The following MAPKAPK5 variants were observed in gnomAD, a reference collection of about 807,000 sequenced individuals.
The protein encoded by MAPKAPK5 is MAPK activated protein kinase 5.
In MAPKAPK5, 30 loss-of-function variants were observed where a neutral mutation model predicts 65.1. That is an observed-to-expected ratio of 0.46 (90% CI 0.34 to 0.63). MAPKAPK5 has a LOEUF of 0.63. MAPKAPK5 is among the 20% of genes least tolerant of loss of function. The pLI is 0.01. For missense variants in MAPKAPK5, 433 were observed against 581.4 expected, an observed-to-expected ratio of 0.74 and a Z score of 2.63; for synonymous variants, 179 against 204.6, an observed-to-expected ratio of 0.87 and a Z score of 1.07.
At chr12:111,881,987 T>C (rs1018958992) in intron 8 of MAPKAPK5, among the ~76,000 whole-genome samples, 7 of 152,198 alleles carry the variant, frequency 4.6e-5, no homozygotes, top group Non-Finnish European at 8.8e-5. Flanking sequence ...TTCTGGAAAG[T>C]GAGGGATTGA....
chr12:111,884,269 G>T (rs1043008352), intron 9 of MAPKAPK5, among the ~76,000 whole-genome samples: 4 of 152,152 alleles, frequency 2.6e-5, no homozygotes, highest in African/African-American at 9.7e-5. Context: ...GGAGTGCAGT[G>T]GTACAATCTT....
Position 111,893,529 on chromosome 12 carries a change from T to TCA in MAPKAPK5, c.*471_*472dup, listed in dbSNP as rs1370398817. ...GTCATTGCAGACTGCTTGCTGGAAC[T>TCA]CACAGGAGGCACACTTGAGCTTGGG... is the stretch of plus-strand genomic sequence containing the variant. On this transcript the variant is annotated 3_prime_UTR_variant, in exon 14 of 14. Transcript: ENST00000550735. 1.3e-5 allele frequency: 2 copies of TCA among 152,292 alleles called. No homozygotes were observed. Among genetic ancestry groups the TCA allele is most frequent in the African/African-American group, 4.8e-5 (2 of 41,404 alleles). The allele number at this position is 152,292 out of a possible 1,614,324, so 9.4% of individuals were successfully genotyped here. A position where few individuals can be genotyped will look rare whatever the true frequency, so the allele number is the denominator to read the frequency against.
At chr12:111,848,385 G>C (rs2136065483) in intron 1 of MAPKAPK5, among the ~76,000 whole-genome samples, 1 of 151,072 alleles carries the variant, frequency 6.6e-6, no homozygotes, top group Non-Finnish European at 1.5e-5. Context: ...CTTTTCTGGT[G>C]AAGGGTCTGT....
intron 10 of MAPKAPK5, among the ~76,000 whole-genome samples, chr12:111,887,197 T>G (rs2136149973): frequency 6.6e-6 from 1 of 152,300 alleles, no homozygotes; most frequent in Non-Finnish European, 1.5e-5. Flanking sequence ...AGACGTCTCT[T>G]TCTAAGTTTA....
intron 7 of MAPKAPK5, among the ~76,000 whole-genome samples, chr12:111,874,963 G>A (rs1055332642): frequency 6.6e-6 from 1 of 151,700 alleles, no homozygotes; most frequent in Non-Finnish European, 1.5e-5. Context: ...ATTTTTAGTA[G>A]AGACGGGGTT....
chr12:111,892,719 T>A (rs1392245933), intron 13 of MAPKAPK5, among the ~76,000 whole-genome samples: 1 of 152,192 alleles, frequency 6.6e-6, no homozygotes, highest in South Asian at 2.1e-4. Context: ...ATTACAAAGA[T>A]CTTGTCTCTC....
intron 7 of MAPKAPK5, among the ~76,000 whole-genome samples, chr12:111,878,957 C>T (rs1257910771): frequency 6.6e-6 from 1 of 152,206 alleles, no homozygotes; most frequent in Non-Finnish European, 1.5e-5. Flanking sequence ...CGTTGGCCCT[C>T]CACCTTTGTT....
intron 4 of MAPKAPK5, among the ~76,000 whole-genome samples, chr12:111,867,982 T>G (rs1026994108): frequency 4.6e-5 from 7 of 152,218 alleles, no homozygotes; most frequent in Non-Finnish European, 8.8e-5. Flanking sequence ...TCTGATTACT[T>G]TCTCATTTCA....
At chr12:111,878,851 CTT>C (rs1284249369) in intron 7 of MAPKAPK5, among the ~76,000 whole-genome samples, 6 of 152,294 alleles carry the variant, frequency 3.9e-5, no homozygotes, top group African/African-American at 1.4e-4. Flanking sequence ...TTTTTGGACT[CTT>C]TATTCTATTC....
chr12:111,854,101 ATACT>A (rs1193676633), intron 1 of MAPKAPK5, among the ~76,000 whole-genome samples: 1 of 152,134 alleles, frequency 6.6e-6, no homozygotes, highest in African/African-American at 2.4e-5. Context: ...TTCATGATAG[ATACT>A]TTCTTGTGAT....
At position 111,866,175 on chromosome 12, in the gene MAPKAPK5, A is replaced by G; in HGVS notation, c.130A>G (p.Thr44Ala). 4 of 1,612,042 alleles carry G rather than the reference A, an allele frequency of 2.5e-6. No homozygotes were observed. Among genetic ancestry groups the G allele is most frequent in the Non-Finnish European group, 3.4e-6 (4 of 1,179,052 alleles). Residue 44 changes from threonine (T) to alanine (A), a missense_variant, in exon 3 of 14, where the codon ACT becomes GCT. Around this residue, in one of 3 missense-constraint regions of MAPKAPK5, gnomAD observed 165 missense variants for 180.0 expected, o/e 0.92. Transcript: ENST00000550735. ...ATCTAGAGTCTGTGTAAAGAAATCT[A>G]CTCAAGAACGGTTTGCGCTGAAAAT... is the stretch of plus-strand genomic sequence containing the variant. ...GPVRVCVKKSTQERFALKILL... is the reference protein window; with the variant it reads ...GPVRVCVKKSAQERFALKILL...
At chr12:111,861,153 G>A (rs551746053) in intron 1 of MAPKAPK5, among the ~76,000 whole-genome samples, 71 of 150,734 alleles carry the variant, frequency 4.7e-4, no homozygotes, top group Non-Finnish European at 9.0e-4. Flanking sequence ...GCGAGACTCC[G>A]TCTAAAAAAA....
At position 111,880,457 on chromosome 12, in the gene MAPKAPK5, C is replaced by A; in HGVS notation, c.590C>A (p.Ala197Glu). The A allele has an allele frequency of 6.2e-7, 1 of 1,613,580 alleles. No homozygotes were observed. The highest frequency in any genetic ancestry group is 8.5e-7 in the Non-Finnish European group (1 of 1,179,730). ...TCTGACTCTTGACAGGTACTGGAGG[C>A]GCAAAGAAGGCATCAGAAGGAGAAA... is the stretch of plus-strand genomic sequence containing the variant. ...PYYVAPQVLE[A>E]QRRHQKEKSG... The change falls in exon 8 of 14, where the codon GCG becomes GAG. Residue 197 changes from alanine to glutamate, a missense_variant. Physicochemically the swap from Ala to Glu is moderately radical, Grantham distance 107. Coordinates refer to ENST00000550735, the MANE Select transcript of MAPKAPK5 (RefSeq NM_003668.4).
chr12:111,880,620 T>G, intron 8 of MAPKAPK5, 93 bp downstream of exon 8: 1 of 1,032,954 alleles, frequency 9.7e-7, no homozygotes, highest in Non-Finnish European at 1.5e-6. Context: ...GCCAATTCCT[T>G]TCTCACCCCT....
At chr12:111,842,852 G>T in intron 1 of MAPKAPK5, 83 bp downstream of exon 1, 1 of 1,220,890 alleles carries the variant, frequency 8.2e-7, no homozygotes, top group Non-Finnish European at 1.0e-6. Context: ...GGGAGATTTT[G>T]CAGTGAGAGG....
At chr12:111,874,470 G>GT (rs79738806) in intron 7 of MAPKAPK5, among the ~76,000 whole-genome samples, 8,047 of 133,334 alleles carry the variant, frequency 0.06, 340 homozygotes, top group South Asian at 0.099. Context: ...TTTGTTTTGG[G>GT]TTTTTTTTTT....
chr12:111,887,336 AT>A (rs1202175970), intron 10 of MAPKAPK5, among the ~76,000 whole-genome samples: 5 of 152,138 alleles, frequency 3.3e-5, no homozygotes, highest in Non-Finnish European at 7.4e-5. Flanking sequence ...GATTACTTAG[AT>A]CCTGGTTGTC....
At chr12:111,845,123 C>G (rs1160991613) in intron 1 of MAPKAPK5, among the ~76,000 whole-genome samples, 4 of 151,884 alleles carry the variant, frequency 2.6e-5, no homozygotes, top group Non-Finnish European at 5.9e-5. Context: ...CAGTTGAAAT[C>G]TCACCCTATG....
At chr12:111,863,194 C>T (rs983293673) in intron 1 of MAPKAPK5, among the ~76,000 whole-genome samples, 6 of 152,150 alleles carry the variant, frequency 3.9e-5, no homozygotes, top group Admixed American at 3.3e-4. Context: ...CACTGTGTGA[C>T]CTTGACAAGC....
Sources: allele counts gnomAD v4.1 joint callset (sites outside exome capture counted in the v4.1 genomes callset), GRCh38; gene constraint gnomAD v4.1.1; regional missense constraint gnomAD v4.1.1; transcripts MANE v1.5; gene names NCBI Gene and HGNC (gene_info 2026-07-23, HGNC 2026-07-21).